ATAD2B: variants seen among roughly 807,000 people sequenced by gnomAD.
The protein encoded by ATAD2B is ATPase family AAA domain-containing protein 2B.
Under a neutral mutation model 167.6 loss-of-function variants are expected in ATAD2B, and 40 were observed. The observed-to-expected ratio is 0.24, with a 90% CI of 0.19 to 0.31. The LOEUF is 0.31. ATAD2B is among the 10% of genes least tolerant of loss of function. The pLI is 1.00. For missense variants in ATAD2B, 1,242 were observed against 1,757.2 expected (o/e 0.71, Z 5.24); for synonymous variants, 579 against 596.5 (o/e 0.97, Z 0.43).
At chr2:23,743,057 G>A in the ATAD2B span, among the ~76,000 whole-genome samples, 1 of 151,290 alleles carries the variant, frequency 6.6e-6, no homozygotes, top group African/African-American at 2.4e-5. Flanking sequence ...GAAAAGCACC[G>A]ACTTCTCAGC....
chr2:23,684,478 T>C, the ATAD2B span: 3 of 1,551,252 alleles, frequency 1.9e-6, no homozygotes, highest in Non-Finnish European at 2.6e-6. This position sits in a 1 kb window ranked among gnomAD's most constrained non-coding sequence, Gnocchi z 4.4. Context: ...GCAGAGAGTT[T>C]GAAGTCCACC....
intron 23 of ATAD2B, among the ~76,000 whole-genome samples, chr2:23,765,101 A>G (rs557903654): frequency 7.2e-5 from 11 of 152,392 alleles, no homozygotes; most frequent in Middle Eastern, 3.4e-3. Context: ...TGTGTTTCTA[A>G]TAACAAAATT....
At chr2:23,920,494 C>T (rs943287108) in intron 1 of ATAD2B, among the ~76,000 whole-genome samples, 2 of 152,186 alleles carry the variant, frequency 1.3e-5, no homozygotes, top group Non-Finnish European at 2.9e-5. Flanking sequence ...CCTTGAAATG[C>T]TATTCATTCA....
chr2:23,812,713 A>T (rs13405614), intron 17 of ATAD2B, among the ~76,000 whole-genome samples: 1 of 152,214 alleles, frequency 6.6e-6, no homozygotes, highest in African/African-American at 2.4e-5. Flanking sequence ...AATACAAAAA[A>T]TTAGCTGGGC....
chr2:23,693,829 G>C, the ATAD2B span, among the ~76,000 whole-genome samples: 1 of 152,178 alleles, frequency 6.6e-6, no homozygotes, highest in Non-Finnish European at 1.5e-5. Flanking sequence ...CCAGCTGGAG[G>C]AGCCCATACC....
intron 13 of ATAD2B, chr2:23,856,531 A>C: frequency 3.9e-6 from 1 of 257,852 alleles, no homozygotes; most frequent in Non-Finnish European, 8.4e-6. Flanking sequence ...ATTAAGGAAT[A>C]CTCCTGGGGA....
the ATAD2B span, among the ~76,000 whole-genome samples, chr2:23,681,333 CA>C: frequency 6.6e-6 from 1 of 152,230 alleles, no homozygotes; most frequent in Non-Finnish European, 1.5e-5. This position sits in a 1 kb window ranked among gnomAD's most constrained non-coding sequence, Gnocchi z 4.2. Context: ...GAGCAGAAAG[CA>C]CCTACATTAG....
the ATAD2B span, among the ~76,000 whole-genome samples, chr2:23,723,815 A>G: frequency 6.6e-6 from 1 of 152,226 alleles, no homozygotes. Flanking sequence ...CTGCACTCCC[A>G]TATTTGTTGC....
chr2:23,754,115 C>A, intron 27 of ATAD2B, 64 bp downstream of exon 27: 1 of 1,354,006 alleles, frequency 7.4e-7, no homozygotes, highest in Non-Finnish European at 9.7e-7. Context: ...ACTTTTTTTC[C>A]TCTTTTCTTT....
chr2:23,787,842 T>C (rs2149412288), intron 20 of ATAD2B, among the ~76,000 whole-genome samples: 1 of 152,116 alleles, frequency 6.6e-6, no homozygotes, highest in East Asian at 1.9e-4. Context: ...TCTTTAAGAT[T>C]AGGAAAAGAA....
chr2:23,678,859 C>T, the ATAD2B span, among the ~76,000 whole-genome samples: 2 of 152,072 alleles, frequency 1.3e-5, no homozygotes, highest in African/African-American at 4.8e-5. Flanking sequence ...CTAAAATAGT[C>T]AAACTCATAG....
rs1387119727 is a variant in ATAD2B at position 23,808,096 on chromosome 2, T to TATATA, written c.2454+2215_2454+2219dup. Among the ~76,000 whole-genome samples the TATATA allele has an allele frequency of 4.5e-5, 6 of 133,118 alleles. No homozygotes were observed. In the East Asian group the frequency reaches 1.2e-3, roughly 27 times the overall value. The allele number at this position is 133,118 out of a possible 152,430, so 87.3% of individuals were successfully genotyped here. On this transcript the variant is annotated intron_variant, in intron 18 of 27. Transcript: ENST00000238789. ...ATATAAGTAATTATATATATAATTATATATATAAGTAATTATATATATAAT... is the reference window on the plus strand; with the variant it reads ...ATATAAGTAATTATATATATAATTATATATAATATATAAGTAATTATATATATAAT...
chr2:23,823,196 CTATATT>C, intron 16 of ATAD2B, 56 bp downstream of exon 16: 1 of 1,290,198 alleles, frequency 7.8e-7, no homozygotes, highest in East Asian at 2.5e-5. Flanking sequence ...TATGAGGAAA[CTATATT>C]TATTTATTCC....
chr2:23,713,473 T>A, the ATAD2B span, among the ~76,000 whole-genome samples: 1 of 151,932 alleles, frequency 6.6e-6, no homozygotes, highest in African/African-American at 2.4e-5. Context: ...TTTAAAGTGG[T>A]TTTTCAGTAT....
intron 21 of ATAD2B, among the ~76,000 whole-genome samples, chr2:23,784,325 ATTAG>A (rs1680493714): frequency 1.3e-5 from 2 of 152,110 alleles, no homozygotes; most frequent in Non-Finnish European, 2.9e-5. Context: ...TTTTAAATTC[ATTAG>A]TTAAATAAAA....
intron 1 of ATAD2B, among the ~76,000 whole-genome samples, chr2:23,910,095 C>T (rs1702056801): frequency 6.6e-6 from 1 of 151,660 alleles, no homozygotes; most frequent in African/African-American, 2.4e-5. Context: ...AACTCCTGGC[C>T]TCAAGTGATC....
Position 23,888,005 on chromosome 2 carries a change from T to C in ATAD2B, c.419-20A>G. 6 of 1,523,012 alleles carry C rather than the reference T, an allele frequency of 3.9e-6. No homozygotes were observed. The highest frequency in any genetic ancestry group is 5.2e-6 in the Non-Finnish European group (6 of 1,143,742). The allele number at this position is 1,523,012 out of a possible 1,614,324, so 94.3% of individuals were successfully genotyped here. On this transcript the variant is annotated intron_variant, in intron 3 of 27. Coordinates refer to ENST00000238789, the MANE Select transcript of ATAD2B (RefSeq NM_017552.4). ...GAAGGGCTACAAGAAGAGAGATATT[T>C]ACATTTCAAAGTACAGAATACAGAA...
chr2:23,788,352 G>A, intron 20 of ATAD2B, 160 bp downstream of exon 20: 2 of 756,328 alleles, frequency 2.6e-6, no homozygotes, highest in Non-Finnish European at 4.2e-6. Context: ...TCTCAAGTCA[G>A]GTGAACACAA....
chr2:23,878,487 T>C (rs1170001044), intron 7 of ATAD2B, among the ~76,000 whole-genome samples: 3 of 148,672 alleles, frequency 2.0e-5, no homozygotes, highest in Admixed American at 6.8e-5. Flanking sequence ...AGAAACCCTG[T>C]CTCTACTAAA....
Sources: gnomAD v4.1 joint callset for allele counts (sites outside exome capture counted in the v4.1 genomes callset) on GRCh38, gnomAD v4.1.1 for gene constraint, Gnocchi (gnomAD v3.1) non-coding constraint, MANE v1.5 for transcripts, NCBI Gene and HGNC (gene_info 2026-07-23, HGNC 2026-07-21) for gene names.